The following NDUFS1 variants were observed in gnomAD, a reference collection of about 807,000 sequenced individuals.
The protein encoded by NDUFS1 is NADH-ubiquinone oxidoreductase 75 kDa subunit, mitochondrial.
NDUFS1 carries 61 observed loss-of-function variants against 84.4 expected under a neutral mutation model. The ratio of observed to expected loss-of-function variants is 0.72; its 90% CI spans 0.59 to 0.89. The LOEUF is 0.89. Among genes scored for constraint, NDUFS1 ranks in the 40% least tolerant of loss-of-function variants. NDUFS1 has a pLI of 0.00. For synonymous variants in NDUFS1, 275 were observed against 290.0 expected (o/e 0.95, Z 0.53); for missense variants, 891 against 890.0 (o/e 1.00, Z -0.01).
In NDUFS1 at chr2:206,118,313, T is replaced by G. The variant is rs1691005212; in HGVS notation, c.*5872A>C. 6.6e-6 allele frequency: 1 copy of G among 152,228 alleles called. No homozygotes were observed. The highest frequency in any genetic ancestry group is 6.5e-5 in the Admixed American group (1 of 15,276). The allele number at this position is 152,228 out of a possible 1,614,324, so 9.4% of individuals were successfully genotyped here. On this transcript the variant is annotated 3_prime_UTR_variant, in exon 19 of 19. Coordinates refer to ENST00000233190, the MANE Select transcript of NDUFS1 (RefSeq NM_005006.7). ...AGTGCTATGTAACTATTAAAATATT[T>G]TAAAATATTGGTTATTTAAAACTTA... is the stretch of plus-strand genomic sequence containing the variant.
chr2:206,142,685 C>T lies in NDUFS1; in HGVS notation c.1133+1G>A, dbSNP rs771097945. 5.0e-6 allele frequency: 8 copies of T among 1,614,056 alleles called. No homozygotes were observed. The highest frequency in any genetic ancestry group is 3.3e-5 in the Admixed American group (2 of 60,000). On this transcript the variant is annotated splice_donor_variant, in intron 11 of 18. Transcript: ENST00000233190. LOFTEE classifies it high-confidence loss of function. ...CTAGATCCTAGCTTCATATTTCTCACCCAGCTCCTGCAGTGGGGAAGACCT... is the reference window on the plus strand; with the variant it reads ...CTAGATCCTAGCTTCATATTTCTCATCCAGCTCCTGCAGTGGGGAAGACCT...
chr2:206,147,128 C>CA, intron 7 of NDUFS1, 40 bp from the exon 8 acceptor site: 1 of 1,581,638 alleles, frequency 6.3e-7, no homozygotes, highest in Non-Finnish European at 8.7e-7. Flanking sequence ...TCAAGTCCAG[C>CA]AAAATTATTT....
At chr2:206,156,807 T>C (rs1366642386) in intron 1 of NDUFS1, among the ~76,000 whole-genome samples, 2 of 152,234 alleles carry the variant, frequency 1.3e-5, no homozygotes, top group Admixed American at 1.3e-4. Context: ...TGTTTCCTGC[T>C]AGTGAGTAAT....
At chr2:206,132,833 G>C (rs1042861699) in intron 14 of NDUFS1, 112 bp downstream of exon 14, 1 of 934,054 alleles carries the variant, frequency 1.1e-6, no homozygotes, top group Non-Finnish European at 1.7e-6. Context: ...GTGTAACTGG[G>C]ATAATGTTGC....
rs1257710880 is a variant in NDUFS1, at chr2:206,127,794, T to C, written c.1884+3A>G. On this transcript the variant is annotated splice_donor_region_variant and intron_variant, in intron 16 of 18. Coordinates refer to ENST00000233190, the MANE Select transcript of NDUFS1 (RefSeq NM_005006.7). Reference sequence around the variant, plus strand: ...TCACTAAGAAATGACTCAGAAATTATACCTCAGAGAGTGCTCTTATAATTT... The same window carrying C: ...TCACTAAGAAATGACTCAGAAATTACACCTCAGAGAGTGCTCTTATAATTT... The C allele has an allele frequency of 2.5e-6, 4 of 1,613,698 alleles. No individual in the cohort carries two copies. The highest frequency in any genetic ancestry group is 2.2e-5 in the East Asian group (1 of 44,878).
In NDUFS1 at chr2:206,117,429, C is replaced by CA. The variant is rs1210300775; in HGVS notation, c.*6755dup. 1.3e-5 allele frequency: 2 copies of CA among 152,070 alleles called. No individual in the cohort carries two copies. The highest frequency in any genetic ancestry group is 3.8e-4 in the East Asian group (2 of 5,196). The allele number at this position is 152,070 out of a possible 1,614,324, so 9.4% of individuals were successfully genotyped here. ...TACTTGACACACAGTAGATACTCTG[C>CA]AAAAAAATTTTGTTTTTCTTTTTGA... is the stretch of plus-strand genomic sequence containing the variant. On this transcript the variant is annotated 3_prime_UTR_variant, in exon 19 of 19. Coordinates refer to ENST00000233190, the MANE Select transcript of NDUFS1 (RefSeq NM_005006.7).
At chr2:206,159,294 G>C in intron 1 of NDUFS1, 47 bp downstream of exon 1, 1 of 708,860 alleles carries the variant, frequency 1.4e-6, no homozygotes, top group Non-Finnish European at 2.4e-6. Context: ...CAATAAATAA[G>C]CCTCTGGCCG....
chr2:206,142,564 C>G, intron 11 of NDUFS1, 122 bp downstream of exon 11: 1 of 1,236,258 alleles, frequency 8.1e-7, no homozygotes, highest in Non-Finnish European at 1.1e-6. Context: ...CTGGTTTGAT[C>G]TTGGTCTATA....
intron 12 of NDUFS1, among the ~76,000 whole-genome samples, chr2:206,139,975 A>G (rs1221083508): frequency 6.6e-6 from 1 of 151,800 alleles, no homozygotes; most frequent in Non-Finnish European, 1.5e-5. Context: ...AAAAATTGCT[A>G]TAAAAGAAAT....
rs549844253 is a variant in NDUFS1, at chr2:206,119,252, C to T, written c.*4933G>A. On this transcript the variant is annotated 3_prime_UTR_variant, in exon 19 of 19. Coordinates refer to ENST00000233190, the MANE Select transcript of NDUFS1 (RefSeq NM_005006.7). ...GAAACAGGCCTAAGGTTTTTACAAG[C>T]TTTCTGATGTAATCATCAAAACAAT... The T allele has an allele frequency of 1.2e-4, 18 of 152,252 alleles. No homozygotes were observed. The South Asian group carries it at 3.7e-3, about 32-fold the overall frequency. 9.4% of individuals were successfully genotyped at this position (152,252 alleles called of 1,614,324 possible). A position where few individuals can be genotyped will look rare whatever the true frequency, so the allele number is the denominator to read the frequency against.
chr2:206,132,393 G>C (rs918406319), intron 14 of NDUFS1, among the ~76,000 whole-genome samples: 6 of 152,084 alleles, frequency 3.9e-5, no homozygotes, highest in African/African-American at 1.4e-4. Context: ...AGATCAACCT[G>C]GGCAACATAG....
In NDUFS1 at chr2:206,116,389, C is replaced by T. The variant is rs1231434418; in HGVS notation, c.*7796G>A. Reference sequence around the variant, plus strand: ...CTTCAGGCAGATTACAGTAACCAGACGGCGCCCATCCCAAGCTGCCAGGGC... The same window carrying T: ...CTTCAGGCAGATTACAGTAACCAGATGGCGCCCATCCCAAGCTGCCAGGGC... On this transcript the variant is annotated 3_prime_UTR_variant, in exon 19 of 19. Transcript: ENST00000233190. 2.0e-5 allele frequency: 16 copies of T among 801,186 alleles called. No individual in the cohort carries two copies. Among genetic ancestry groups the T allele is most frequent in the East Asian group, 7.8e-5 (3 of 38,520 alleles). The allele number at this position is 801,186 out of a possible 1,614,324, so 49.6% of individuals were successfully genotyped here.
intron 1 of NDUFS1, among the ~76,000 whole-genome samples, chr2:206,157,963 C>CTTT (rs1553509152): frequency 3.8e-5 from 5 of 131,860 alleles, no homozygotes; most frequent in Non-Finnish European, 6.3e-5. Flanking sequence ...ATTTCAATAG[C>CTTT]TTTTTTTTTT....
chr2:206,154,922 C>CTT (rs71034412), intron 1 of NDUFS1, among the ~76,000 whole-genome samples: 7,699 of 100,720 alleles, frequency 0.076, 728 homozygotes, highest in African/African-American at 0.19. Flanking sequence ...GTGCCCGGCC[C>CTT]TTTTTTTTTT....
In NDUFS1 at chr2:206,116,548, C is replaced by T. The variant is rs1348400683; in HGVS notation, c.*7637G>A. ...CAGCGCTACGCCTCAGCCACTCGCGCGGGGAGGCGGGGCGGTGTGGGCAGA... is the reference window on the plus strand; with the variant it reads ...CAGCGCTACGCCTCAGCCACTCGCGTGGGGAGGCGGGGCGGTGTGGGCAGA... On this transcript the variant is annotated 3_prime_UTR_variant, in exon 19 of 19. Coordinates refer to ENST00000233190, the MANE Select transcript of NDUFS1 (RefSeq NM_005006.7). 1 of 732,182 alleles carries T rather than the reference C, an allele frequency of 1.4e-6. No individual in the cohort carries two copies. Among genetic ancestry groups the T allele is most frequent in the Non-Finnish European group, 2.3e-6 (1 of 439,600 alleles). 45.4% of individuals were successfully genotyped at this position (732,182 alleles called of 1,614,324 possible).
chr2:206,144,217 T>C, intron 9 of NDUFS1, 85 bp from the exon 10 acceptor site: 1 of 993,636 alleles, frequency 1.0e-6, no homozygotes, highest in Non-Finnish European at 1.6e-6. Context: ...AAATGTTATT[T>C]AAATACAGTA....
chr2:206,130,059 T>A, intron 15 of NDUFS1, 29 bp downstream of exon 15: 1 of 1,612,998 alleles, frequency 6.2e-7, no homozygotes, highest in Non-Finnish European at 8.5e-7. Flanking sequence ...CTACTCTCTT[T>A]TGTTTCTGGT....
At chr2:206,147,152 T>G (rs1260019460) in intron 7 of NDUFS1, 64 bp from the exon 8 acceptor site, 2 of 1,493,334 alleles carry the variant, frequency 1.3e-6, no homozygotes, top group Non-Finnish European at 1.9e-6. Context: ...TTCTTATTCA[T>G]GATCACAAAG....
Position 206,124,240 on chromosome 2 carries a change from C to CA in NDUFS1, c.2128dup (p.Cys710LeufsTer31). 6.2e-7 allele frequency: 1 copy of CA among 1,613,442 alleles called. No individual in the cohort carries two copies. Among genetic ancestry groups the CA allele is most frequent in the Non-Finnish European group, 8.5e-7 (1 of 1,179,426 alleles). ...GGCACCCTCTGTGACAGCTTTGACA[C>CA]ATTTGGCCATTGTCTGTGAGGCTCT... is the stretch of plus-strand genomic sequence containing the variant. On this transcript the variant is annotated frameshift_variant, in exon 19 of 19. Transcript: ENST00000233190. LOFTEE classifies it high-confidence loss of function.
Sources: gnomAD v4.1 joint callset for allele counts (sites outside exome capture counted in the v4.1 genomes callset) on GRCh38, gnomAD v4.1.1 for gene constraint, MANE v1.5 for transcripts, NCBI Gene and HGNC (gene_info 2026-07-23, HGNC 2026-07-21) for gene names.